The following MTHFD2L variants were observed in gnomAD, a reference collection of about 807,000 sequenced individuals.
The protein encoded by MTHFD2L is methylenetetrahydrofolate dehydrogenase (NADP+ dependent) 2 like.
In MTHFD2L, 29 loss-of-function variants were observed where a neutral mutation model predicts 34.9. The observed-to-expected ratio is 0.83, with a 90% CI of 0.62 to 1.13. The LOEUF is 1.13. Among genes scored for constraint, MTHFD2L ranks in the 50% most tolerant of loss-of-function variants. The pLI is 0.00. For missense variants in MTHFD2L, 481 were observed against 446.5 expected (o/e 1.08, Z -0.70); for synonymous variants, 167 against 155.7 (o/e 1.07, Z -0.54).
At chr4:74,280,633 T>G (rs1047834258) in intron 6 of MTHFD2L, among the ~76,000 whole-genome samples, 3 of 143,334 alleles carry the variant, frequency 2.1e-5, no homozygotes, top group African/African-American at 8.9e-5. Context: ...GTTCAATGTT[T>G]TTTTTTTTTA....
At chr4:74,226,846 G>C (rs1436992862) in intron 6 of MTHFD2L, among the ~76,000 whole-genome samples, 12 of 152,162 alleles carry the variant, frequency 7.9e-5, no homozygotes, top group Non-Finnish European at 5.9e-5. Flanking sequence ...GTGGGAGAGA[G>C]AGCAAATAAA....
chr4:74,119,867 C>T (rs1045948942), upstream of MTHFD2L, among the ~76,000 whole-genome samples: 30 of 152,136 alleles, frequency 2.0e-4, no homozygotes, highest in African/African-American at 7.2e-4. Flanking sequence ...TCTCCAAGCC[C>T]TCTTTTTATA....
intron 1 of MTHFD2L, among the ~76,000 whole-genome samples, chr4:74,150,222 T>A (rs531683): frequency 0.99 from 150,079 of 152,354 alleles, 73,958 homozygotes; most frequent in East Asian, 1. Flanking sequence ...CAGACTTCTA[T>A]CTTAAAGAAA....
intron 7 of MTHFD2L, among the ~76,000 whole-genome samples, chr4:74,288,727 G>C (rs1226201652): frequency 1.3e-5 from 2 of 152,126 alleles, no homozygotes; most frequent in East Asian, 3.9e-4. Flanking sequence ...TCTTGGCTCA[G>C]ATCTTACCCT....
At chr4:74,158,067 C>T (rs958764197), upstream of MTHFD2L, 10 of 1,529,994 alleles carry the variant, frequency 6.5e-6, no homozygotes, top group African/African-American at 1.4e-5. Context: ...GAGGGCGGAG[C>T]CAGGCCTCCA....
chr4:74,175,151 C>T (rs1403921954), intron 2 of MTHFD2L, 130 bp from the exon 3 acceptor site: 12 of 979,204 alleles, frequency 1.2e-5, no homozygotes, highest in Non-Finnish European at 1.8e-5. Context: ...TGGAGAAATC[C>T]TTCCTGATGA....
intron 1 of MTHFD2L, chr4:74,164,870 A>T (rs946893323): frequency 1.3e-4 from 80 of 600,664 alleles, no homozygotes; most frequent in Middle Eastern, 1.7e-3. Context: ...CTAGCCCAGC[A>T]GTAGGCTGGG....
chr4:74,167,698 A>T (rs997149434), intron 1 of MTHFD2L, among the ~76,000 whole-genome samples: 4 of 152,174 alleles, frequency 2.6e-5, no homozygotes, highest in African/African-American at 9.7e-5. Context: ...GGAATATTAT[A>T]TCTGAAGATC....
chr4:74,174,674 A>G lies in MTHFD2L; in HGVS notation c.312A>G (p.Arg104=). ...ATACATATGTCAGGAATAAGATAAG[A>G]GCTGCCTCTGCTGTAGGTGGGTGTG... ...ASHTYVRNKI[R]AASAVGICSE... Residue 104 remains arginine (R), a synonymous_variant, in exon 2 of 8, where the codon AGA becomes AGG. Transcript: ENST00000325278. 1 of 1,545,984 alleles carries G rather than the reference A, an allele frequency of 6.5e-7. No homozygotes were observed. Among genetic ancestry groups the G allele is most frequent in the South Asian group, 1.3e-5 (1 of 79,452 alleles).
intron 1 of MTHFD2L, among the ~76,000 whole-genome samples, chr4:74,133,507 TG>T (rs1722698290): frequency 6.6e-6 from 1 of 152,134 alleles, no homozygotes; most frequent in African/African-American, 2.4e-5. Context: ...TTCTTTTTAT[TG>T]TTTTTTTCTT....
chr4:74,299,795 T>G (rs143779968), intron 7 of MTHFD2L, among the ~76,000 whole-genome samples: 1 of 152,184 alleles, frequency 6.6e-6, no homozygotes, highest in East Asian at 1.9e-4. Flanking sequence ...GCCTTCTAGA[T>G]GCTGATGTCT....
intron 5 of MTHFD2L, among the ~76,000 whole-genome samples, chr4:74,224,823 A>C (rs898425469): frequency 3.3e-5 from 5 of 152,036 alleles, no homozygotes; most frequent in African/African-American, 7.2e-5. Flanking sequence ...ATGCATTAAG[A>C]CCTAAAAAAA....
chr4:74,234,910 ACT>A (rs1422449364), intron 6 of MTHFD2L, among the ~76,000 whole-genome samples: 1 of 151,998 alleles, frequency 6.6e-6, no homozygotes, highest in African/African-American at 2.4e-5. Flanking sequence ...TTTTCCTCTG[ACT>A]CTGAAAAGTA....
chr4:74,184,353 A>C (rs532956951), intron 3 of MTHFD2L, among the ~76,000 whole-genome samples: 3 of 152,294 alleles, frequency 2.0e-5, no homozygotes, highest in Non-Finnish European at 4.4e-5. Flanking sequence ...TTCTAACATG[A>C]ATCAAATGAA....
intron 7 of MTHFD2L, among the ~76,000 whole-genome samples, chr4:74,294,877 C>T (rs1189497701): frequency 2.0e-5 from 3 of 152,044 alleles, no homozygotes; most frequent in East Asian, 1.9e-4. Flanking sequence ...AGAGAGAACA[C>T]GGAAGATTAG....
chr4:74,247,001 T>C (rs941909194), intron 6 of MTHFD2L, among the ~76,000 whole-genome samples: 1 of 150,822 alleles, frequency 6.6e-6, no homozygotes, highest in African/African-American at 2.4e-5. Context: ...AGTAGTTTTT[T>C]CCAATTCTGT....
chr4:74,234,116 T>G (rs932000174), intron 6 of MTHFD2L, among the ~76,000 whole-genome samples: 1 of 152,022 alleles, frequency 6.6e-6, no homozygotes, highest in Non-Finnish European at 1.5e-5. Flanking sequence ...TTAATTCTAT[T>G]TGGGTCCATG....
At chr4:74,158,029 C>CA, upstream of MTHFD2L, 1 of 1,473,032 alleles carries the variant, frequency 6.8e-7, no homozygotes, top group Non-Finnish European at 9.2e-7. Context: ...GGCTGGGAAG[C>CA]GCTACTTGCT....
In MTHFD2L at chr4:74,301,714, G is replaced by T; in HGVS notation, c.949G>T (p.Gly317Cys). 1 of 1,585,618 alleles carries T rather than the reference G, an allele frequency of 6.3e-7. No individual in the cohort carries two copies. The highest frequency in any genetic ancestry group is 8.6e-7 in the Non-Finnish European group (1 of 1,167,088). Residue 317 changes from glycine to cysteine, a missense_variant, in exon 8 of 8, where the codon GGC becomes TGC. Transcript: ENST00000325278. ...VDFEAVKKKAGFITPVPGGVG... is the reference protein window; with the variant it reads ...VDFEAVKKKACFITPVPGGVG... ...CTCATCAGCTGTTAAAAAGAAAGCTGGCTTTATCACTCCAGTTCCAGGAGG... is the reference window on the plus strand; with the variant it reads ...CTCATCAGCTGTTAAAAAGAAAGCTTGCTTTATCACTCCAGTTCCAGGAGG...
Sources: gnomAD v4.1 joint callset for allele counts (sites outside exome capture counted in the v4.1 genomes callset) on GRCh38, gnomAD v4.1.1 for gene constraint, MANE v1.5 for transcripts, NCBI Gene and HGNC (gene_info 2026-07-23, HGNC 2026-07-21) for gene names.